Variants in KLF6 observed in about 807,000 individuals in gnomAD.
KLF6 encodes KLF transcription factor 6.
For synonymous variants in KLF6, 152 were observed against 147.9 expected (o/e 1.03, Z -0.20); for missense variants, 233 against 359.8 (o/e 0.65, Z 2.85).
Position 3,782,799 on chromosome 10 carries a change from G to A in KLF6, c.103-585C>T, listed in dbSNP as rs1455447879. The stretch of plus-strand genomic sequence containing the variant: ...TGTCTGTATTCAGGGGCATCGAATG[G>A]AGCTGCAGAAAAACCACCCATTTCC... On this transcript the variant is annotated intron_variant, in intron 1 of 3. Transcript: ENST00000497571. This position sits in a 1 kb window ranked among gnomAD's most constrained non-coding sequence, Gnocchi z 4.3. Among the ~76,000 whole-genome samples the A allele has an allele frequency of 1.3e-5, 2 of 152,228 alleles. No homozygotes were observed. The highest frequency in any genetic ancestry group is 2.9e-5 in the Non-Finnish European group (2 of 68,030).
chr10:3,779,733 G>C, intron 3 of KLF6, 143 bp from the exon 4 acceptor site: 3 of 767,504 alleles, frequency 3.9e-6, no homozygotes, highest in Non-Finnish European at 6.9e-6. Flanking sequence ...CCTCATCAGT[G>C]TCTTCAGGGA....
chr10:3,780,355 A>G lies in KLF6; in HGVS notation c.677-126T>C. 1.8e-6 allele frequency: 2 copies of G among 1,101,866 alleles called. No individual in the cohort carries two copies. The highest frequency in any genetic ancestry group is 2.7e-6 in the Non-Finnish European group (2 of 728,628). The allele number at this position is 1,101,866 out of a possible 1,614,324, so 68.3% of individuals were successfully genotyped here. ...GACCCAGTGGCTTCTGGCATCGGTA[A>G]CACACAACAACTGGCAGCCTCAGAG... On this transcript the variant is annotated intron_variant, in intron 2 of 3. Transcript: ENST00000497571. This position sits in a 1 kb window ranked among gnomAD's most constrained non-coding sequence, Gnocchi z 4.6.
rs576451687 is a variant in KLF6 at position 3,782,393 on chromosome 10, T to C, written c.103-179A>G. 6.6e-6 allele frequency among the ~76,000 whole-genome samples: 1 copy of C among 152,362 alleles called. No homozygotes were observed. Among genetic ancestry groups the C allele is most frequent in the Admixed American group, 6.5e-5 (1 of 15,308 alleles). On this transcript the variant is annotated intron_variant, in intron 1 of 3. Transcript: ENST00000497571. This position sits in a 1 kb window ranked among gnomAD's most constrained non-coding sequence, Gnocchi z 4.3. Reference sequence around the variant, plus strand: ...CCTTACGGAAGTTAGAGGAAATCTGTTTCTAGAATGGTAAGAATTCAGAGG... The same window carrying C: ...CCTTACGGAAGTTAGAGGAAATCTGCTTCTAGAATGGTAAGAATTCAGAGG...
rs1418924974 is a variant in KLF6 at position 3,776,134 on chromosome 10, T to C, written c.*3405A>G. The C allele has an allele frequency of 1.7e-5, 9 of 530,156 alleles. No individual in the cohort carries two copies. Among genetic ancestry groups the C allele is most frequent in the Admixed American group, 2.2e-5 (1 of 44,870 alleles). The allele number at this position is 530,156 out of a possible 1,614,324, so 32.8% of individuals were successfully genotyped here. A position where few individuals can be genotyped will look rare whatever the true frequency, so the allele number is the denominator to read the frequency against. On this transcript the variant is annotated 3_prime_UTR_variant, in exon 4 of 4. Transcript: ENST00000497571. ...GCCTCAGCCAGGTGTGTGGCAGGGC[T>C]GGCTGGGGAAGGTAGGCCCAGCTCT...
intron 1 of KLF6, 90 bp downstream of exon 1, chr10:3,784,823 G>A: frequency 8.0e-7 from 1 of 1,245,176 alleles, no homozygotes; most frequent in South Asian, 1.6e-5. Context: ...CAGGCCCAGC[G>A]GACCGCAGAG....
In KLF6 at chr10:3,776,766, C is replaced by T. The variant is rs547678626; in HGVS notation, c.*2773G>A. The stretch of plus-strand genomic sequence containing the variant: ...TTTTTTAATTTCAAGCAAAAAGTTT[C>T]TGCTTGATTGAGGCTCAGTTATCAC... On this transcript the variant is annotated 3_prime_UTR_variant, in exon 4 of 4. Coordinates refer to ENST00000497571, the MANE Select transcript of KLF6 (RefSeq NM_001300.6). 2.1e-6 allele frequency: 1 copy of T among 481,700 alleles called. No individual in the cohort carries two copies. The highest frequency in any genetic ancestry group is 3.9e-6 in the Non-Finnish European group (1 of 253,596). 29.8% of individuals were successfully genotyped at this position (481,700 alleles called of 1,614,324 possible).
rs973920202 is a variant in KLF6 at position 3,781,514 on chromosome 10, T to C, written c.676+127A>G. 6.4e-7 allele frequency: 1 copy of C among 1,553,608 alleles called. No individual in the cohort carries two copies. Among genetic ancestry groups the C allele is most frequent in the Admixed American group, 2.0e-5 (1 of 51,100 alleles). ...AGACCTAATGCTTTGGTGGAAAACA[T>C]CTGAGGAAGTGAGGATTTGTCTGCC... On this transcript the variant is annotated intron_variant, in intron 2 of 3. Transcript: ENST00000497571. The surrounding 1 kb of genome is among the most constrained non-coding windows in gnomAD (Gnocchi z 5.8).
Position 3,779,435 on chromosome 10 carries a change from A to G in KLF6, c.*104T>C, listed in dbSNP as rs114266304. 0.01 allele frequency: 9,986 copies of G among 984,616 alleles called. 111 individuals are homozygous for G. The highest frequency in any genetic ancestry group is 0.042 in the Middle Eastern group (173 of 4,110). 61.0% of individuals were successfully genotyped at this position (984,616 alleles called of 1,614,324 possible). ...GGAGAGGCCCTGGAGGCAACTGGGT[A>G]GGGTGCAGAACGGCATGCTTTGGCT... is the stretch of plus-strand genomic sequence containing the variant. On this transcript the variant is annotated 3_prime_UTR_variant, in exon 4 of 4. Transcript: ENST00000497571.
rs368266204 is a variant in KLF6 at position 3,781,812 on chromosome 10, G to A, written c.505C>T (p.Leu169=). The change falls in exon 2 of 4, where the codon CTG becomes TTG. Residue 169 remains leucine (L), a synonymous_variant. Transcript: ENST00000497571. The surrounding 1 kb of genome is among the most constrained non-coding windows in gnomAD (Gnocchi z 5.8). ...CTGCGCACCTTCCCTGGCGAGGGCAGCTCCCCGGGCACGCAACCCCACAGT... is the reference window on the plus strand; with the variant it reads ...CTGCGCACCTTCCCTGGCGAGGGCAACTCCCCGGGCACGCAACCCCACAGT... ...SQLWGCVPGE[L]PSPGKVRSGT... 3 of 1,614,128 alleles carry A rather than the reference G, an allele frequency of 1.9e-6. No homozygotes were observed. Among genetic ancestry groups the A allele is most frequent in the East Asian group, 2.2e-5 (1 of 44,898 alleles).
Position 3,779,304 on chromosome 10 carries a change from G to C in KLF6, c.*235C>G, listed in dbSNP as rs547930611. On this transcript the variant is annotated 3_prime_UTR_variant, in exon 4 of 4. Transcript: ENST00000497571. Reference sequence around the variant, plus strand: ...CACGGCAAAGGCTTAGGCGCCGCTCGGAAGGGCGGGTACCAGTGGCGAGTC... The same window carrying C: ...CACGGCAAAGGCTTAGGCGCCGCTCCGAAGGGCGGGTACCAGTGGCGAGTC... 7 of 661,516 alleles carry C rather than the reference G, an allele frequency of 1.1e-5. No individual in the cohort carries two copies. The highest frequency in any genetic ancestry group is 1.9e-5 in the Non-Finnish European group (7 of 359,786). The allele number at this position is 661,516 out of a possible 1,614,324, so 41.0% of individuals were successfully genotyped here.
intron 1 of KLF6, 93 bp downstream of exon 1, chr10:3,784,820 A>G: frequency 3.3e-6 from 4 of 1,202,242 alleles, no homozygotes; most frequent in Non-Finnish European, 4.5e-6. Context: ...GCCCAGGCCC[A>G]GCGGACCGCA....
chr10:3,778,761 C>T lies in KLF6; in HGVS notation c.*778G>A. The stretch of plus-strand genomic sequence containing the variant: ...TGGAAAAGCATATAGTTCCCCAGAC[C>T]ATGCATGACTTTTTGTATTCTAAGG... On this transcript the variant is annotated 3_prime_UTR_variant, in exon 4 of 4. Transcript: ENST00000497571. 3 of 530,940 alleles carry T rather than the reference C, an allele frequency of 5.7e-6. No individual in the cohort carries two copies. The highest frequency in any genetic ancestry group is 1.5e-5 in the South Asian group (1 of 65,128). 32.9% of individuals were successfully genotyped at this position (530,940 alleles called of 1,614,324 possible). A position where few individuals can be genotyped will look rare whatever the true frequency, so the allele number is the denominator to read the frequency against.
chr10:3,784,791 C>T, intron 1 of KLF6, 122 bp downstream of exon 1: 3 of 904,246 alleles, frequency 3.3e-6, no homozygotes, highest in Non-Finnish European at 4.6e-6. Flanking sequence ...TGCGCCCGCT[C>T]CCCCGGTGAC....
rs765619505 is a variant in KLF6, at chr10:3,781,945, C to T, written c.372G>A (p.Lys124=). 6.2e-7 allele frequency: 1 copy of T among 1,614,102 alleles called. No homozygotes were observed. Among genetic ancestry groups the T allele is most frequent in the East Asian group, 2.2e-5 (1 of 44,900 alleles). ...DSSEELSPTA[K]FTSDPIGEVL... ...CTTCGCCAATGGGGTCGGAGGTAAACTTGGCCGTGGGAGAAAGTTCCTCGG... is the reference window on the plus strand; with the variant it reads ...CTTCGCCAATGGGGTCGGAGGTAAATTTGGCCGTGGGAGAAAGTTCCTCGG... The change falls in exon 2 of 4, where the codon AAG becomes AAA. Residue 124 remains lysine, a synonymous_variant. Transcript: ENST00000497571. The surrounding 1 kb of genome is among the most constrained non-coding windows in gnomAD (Gnocchi z 5.8).
chr10:3,778,147 T>C lies in KLF6; in HGVS notation c.*1392A>G. 1 of 519,980 alleles carries C rather than the reference T, an allele frequency of 1.9e-6. No individual in the cohort carries two copies. Among genetic ancestry groups the C allele is most frequent in the Non-Finnish European group, 3.7e-6 (1 of 267,238 alleles). 32.2% of individuals were successfully genotyped at this position (519,980 alleles called of 1,614,324 possible). A position where few individuals can be genotyped will look rare whatever the true frequency, so the allele number is the denominator to read the frequency against. ...GTAAAGGGAGTTTCACTCTATGTCTTTGTGAAGGAGGACCTTAAAGAGATT... is the reference window on the plus strand; with the variant it reads ...GTAAAGGGAGTTTCACTCTATGTCTCTGTGAAGGAGGACCTTAAAGAGATT... On this transcript the variant is annotated 3_prime_UTR_variant, in exon 4 of 4. Coordinates refer to ENST00000497571, the MANE Select transcript of KLF6 (RefSeq NM_001300.6).
In KLF6 at chr10:3,779,033, GTTTTTT is replaced by G; in HGVS notation, c.*500_*505del. On this transcript the variant is annotated 3_prime_UTR_variant, in exon 4 of 4. Transcript: ENST00000497571. The stretch of plus-strand genomic sequence containing the variant: ...AGATTTTCCTTCTTTTTTTGTTTTT[GTTTTTT>G]TGTTTTTTTGATTTTTCTTTTTTTT... 1.9e-6 allele frequency: 1 copy of G among 525,788 alleles called. No homozygotes were observed. The highest frequency in any genetic ancestry group is 3.6e-6 in the Non-Finnish European group (1 of 274,112). 32.6% of individuals were successfully genotyped at this position (525,788 alleles called of 1,614,324 possible). A position where few individuals can be genotyped will look rare whatever the true frequency, so the allele number is the denominator to read the frequency against.
chr10:3,778,692 G>C lies in KLF6; in HGVS notation c.*847C>G, dbSNP rs144920046. ...ACTGTATTAGACAGATTGGATCTTAGCTGCTCATTAACTGGAATCAGTATT... is the reference window on the plus strand; with the variant it reads ...ACTGTATTAGACAGATTGGATCTTACCTGCTCATTAACTGGAATCAGTATT... On this transcript the variant is annotated 3_prime_UTR_variant, in exon 4 of 4. Coordinates refer to ENST00000497571, the MANE Select transcript of KLF6 (RefSeq NM_001300.6). 107 of 528,152 alleles carry C rather than the reference G, an allele frequency of 2.0e-4. No individual in the cohort carries two copies. Among genetic ancestry groups the C allele is most frequent in the African/African-American group, 1.9e-3 (102 of 53,650 alleles). 32.7% of individuals were successfully genotyped at this position (528,152 alleles called of 1,614,324 possible).
At position 3,777,733 on chromosome 10, in the gene KLF6, A is replaced by T. The variant is rs928422980; in HGVS notation, c.*1806T>A. On this transcript the variant is annotated 3_prime_UTR_variant, in exon 4 of 4. Coordinates refer to ENST00000497571, the MANE Select transcript of KLF6 (RefSeq NM_001300.6). ...AACATTCTAGTTTCTCCTTAAAAAA[A>T]ATATTTATATATTATCTATATATAT... 3.2e-5 allele frequency: 11 copies of T among 347,680 alleles called. No homozygotes were observed. Among genetic ancestry groups the T allele is most frequent in the South Asian group, 2.4e-4 (9 of 37,634 alleles). The allele number at this position is 347,680 out of a possible 1,614,324, so 21.5% of individuals were successfully genotyped here.
rs770897792 is a variant in KLF6, at chr10:3,784,897, G to C, written c.102+16C>G. ...CGCCCCGGCGCCCGCAGGGAACCGC[G>C]GCCGGCTGCGTTTACCTGTTGCCAG... On this transcript the variant is annotated intron_variant, in intron 1 of 3. Coordinates refer to ENST00000497571, the MANE Select transcript of KLF6 (RefSeq NM_001300.6). 1.3e-6 allele frequency: 2 copies of C among 1,589,284 alleles called. No homozygotes were observed. The highest frequency in any genetic ancestry group is 3.5e-5 in the Admixed American group (2 of 56,548).
Sources: gnomAD v4.1 joint callset for allele counts (sites outside exome capture counted in the v4.1 genomes callset) on GRCh38, gnomAD v4.1.1 for gene constraint, Gnocchi (gnomAD v3.1) non-coding constraint, MANE v1.5 for transcripts, NCBI Gene and HGNC (gene_info 2026-07-23, HGNC 2026-07-21) for gene names.